DMBX1: variants seen among roughly 807,000 people sequenced by gnomAD.
DMBX1 encodes diencephalon/mesencephalon homeobox protein 1.
Under a neutral mutation model 30.4 loss-of-function variants are expected in DMBX1, and 7 were observed. The ratio of observed to expected loss-of-function variants is 0.23; its 90% CI spans 0.13 to 0.43. The LOEUF is 0.43. DMBX1 is among the 20% of genes least tolerant of loss of function. DMBX1 has a pLI of 1.00. For synonymous variants in DMBX1, 222 were observed against 214.2 expected, an observed-to-expected ratio of 1.04 and a Z score of -0.32; for missense variants, 460 against 508.5, an observed-to-expected ratio of 0.90 and a Z score of 0.92.
intron 3 of DMBX1, among the ~76,000 whole-genome samples, chr1:46,509,890 A>G (rs1180499984): frequency 6.6e-6 from 1 of 152,088 alleles, no homozygotes; most frequent in Non-Finnish European, 1.5e-5. Flanking sequence ...CCCTGCCATC[A>G]GAGACTCTAG....
chr1:46,489,981 G>A (rs1188395755), intron 1 of DMBX1, among the ~76,000 whole-genome samples, 104 bp downstream of exon 1: 1 of 152,164 alleles, frequency 6.6e-6, no homozygotes, highest in Non-Finnish European at 1.5e-5. Context: ...CCCCTCTTGC[G>A]GTCCTGCAGT....
intron 2 of DMBX1, among the ~76,000 whole-genome samples, chr1:46,499,571 A>AT (rs1420143149): frequency 6.6e-6 from 1 of 152,168 alleles, no homozygotes; most frequent in Non-Finnish European, 1.5e-5. Flanking sequence ...TGGGGATAAC[A>AT]TTTTCTACCT....
rs1009453575 is a variant in DMBX1 at position 46,512,841 on chromosome 1, G to A, written c.*347G>A. Reference sequence around the variant, plus strand: ...TCCTTCTGCCCCCTAGTAAGTCTACGTGTGGAATGTGAGATATAAATATAA... The same window carrying A: ...TCCTTCTGCCCCCTAGTAAGTCTACATGTGGAATGTGAGATATAAATATAA... On this transcript the variant is annotated 3_prime_UTR_variant, in exon 6 of 6. Transcript: ENST00000360032. This position sits in a 1 kb window ranked among gnomAD's most constrained non-coding sequence, Gnocchi z 4.8. 38 of 275,526 alleles carry A rather than the reference G, an allele frequency of 1.4e-4. No homozygotes were observed. Among genetic ancestry groups the A allele is most frequent in the African/African-American group, 7.6e-4 (35 of 46,120 alleles). 17.1% of individuals were successfully genotyped at this position (275,526 alleles called of 1,614,324 possible).
Position 46,515,635 on chromosome 1 carries a change from C to T in DMBX1, c.*3141C>T, listed in dbSNP as rs968845114. ...AGCTGGAGAGCAAGAGGAGAGGACA[C>T]CTGTGTCTCCTCCAAGCACACTGGT... On this transcript the variant is annotated 3_prime_UTR_variant, in exon 6 of 6. Coordinates refer to ENST00000360032, the MANE Select transcript of DMBX1 (RefSeq NM_172225.2). Among the ~76,000 whole-genome samples the T allele has an allele frequency of 6.6e-6, 1 of 152,252 alleles. No individual in the cohort carries two copies. Among genetic ancestry groups the T allele is most frequent in the Non-Finnish European group, 1.5e-5 (1 of 68,034 alleles).
intron 3 of DMBX1, among the ~76,000 whole-genome samples, chr1:46,507,417 A>G (rs1666262325): frequency 6.6e-6 from 1 of 152,218 alleles, no homozygotes. Flanking sequence ...CAAGCCTGTG[A>G]GGGAGGCATT....
Position 46,512,353 on chromosome 1 carries a change from G to T in DMBX1, c.993G>T (p.Gly331=), listed in dbSNP as rs1205746582. ...AAAAAHQGVW[G]SPLLPAPPAG... ...CTGCTGCCCACCAGGGTGTGTGGGG[G>T]TCTCCTCTGCTGCCTGCACCCCCAG... The change falls in exon 6 of 6, where the codon GGG becomes GGT. Residue 331 remains glycine (G), a synonymous_variant. Coordinates refer to ENST00000360032, the MANE Select transcript of DMBX1 (RefSeq NM_172225.2). This position sits in a 1 kb window ranked among gnomAD's most constrained non-coding sequence, Gnocchi z 4.8. 2 of 1,613,890 alleles carry T rather than the reference G, an allele frequency of 1.2e-6. No homozygotes were observed. Among genetic ancestry groups the T allele is most frequent in the Non-Finnish European group, 8.5e-7 (1 of 1,180,008 alleles).
chr1:46,492,905 G>A (rs1225881873), intron 2 of DMBX1, among the ~76,000 whole-genome samples: 1 of 152,140 alleles, frequency 6.6e-6, no homozygotes, highest in Admixed American at 6.5e-5. Context: ...ACAGTCCCAA[G>A]TGTCACAGCC....
chr1:46,494,487 T>C (rs756210161), intron 2 of DMBX1, among the ~76,000 whole-genome samples: 1 of 151,952 alleles, frequency 6.6e-6, no homozygotes. Flanking sequence ...GACCAAGGGA[T>C]AATTGGATGT....
In DMBX1 at chr1:46,511,060, A is replaced by G. The variant is rs1666357932; in HGVS notation, c.459A>G (p.Pro153=). 2 of 1,613,998 alleles carry G rather than the reference A, an allele frequency of 1.2e-6. No homozygotes were observed. The highest frequency in any genetic ancestry group is 1.7e-6 in the Non-Finnish European group (2 of 1,180,006). Residue 153 remains proline, a synonymous_variant, in exon 5 of 6, where the codon CCA becomes CCG. Coordinates refer to ENST00000360032, the MANE Select transcript of DMBX1 (RefSeq NM_172225.2). ...HGEGKAEAPT[P]DTQLDTEQPP... is the part of the protein sequence containing the mutation. ...AAGGCAAGGCCGAGGCCCCCACTCC[A>G]GATACCCAGCTGGACACTGAGCAGC...
At chr1:46,504,465 A>C (rs1230848340) in intron 2 of DMBX1, among the ~76,000 whole-genome samples, 2 of 150,912 alleles carry the variant, frequency 1.3e-5, no homozygotes, top group African/African-American at 4.9e-5. Context: ...CATTTATTAA[A>C]TAGGGAATCC....
intron 2 of DMBX1, among the ~76,000 whole-genome samples, chr1:46,500,301 CA>C (rs1326467094): frequency 2.0e-4 from 30 of 151,958 alleles, no homozygotes; most frequent in Admixed American, 1.9e-3. Flanking sequence ...CATTGTGCAT[CA>C]AAAACTGTGA....
chr1:46,501,272 C>CTTTCTTTCTTTCTTTCTTTCTT lies in DMBX1; in HGVS notation c.-12-5725_-12-5724insTCTTTCTTTCTTTCTTTCTTTT. Among the ~76,000 whole-genome samples, 2 of 83,960 alleles carry CTTTCTTTCTTTCTTTCTTTCTT rather than the reference C, an allele frequency of 2.4e-5. 1 individual carries two copies. Among genetic ancestry groups the CTTTCTTTCTTTCTTTCTTTCTT allele is most frequent in the East Asian group, 6.5e-4 (2 of 3,090 alleles). The allele number at this position is 83,960 out of a possible 152,430, so 55.1% of individuals were successfully genotyped here. On this transcript the variant is annotated intron_variant, in intron 2 of 5. Coordinates refer to ENST00000360032, the MANE Select transcript of DMBX1 (RefSeq NM_172225.2). The stretch of plus-strand genomic sequence containing the variant: ...TTTCTTTCTTTCTTTCTTTCTTTCT[C>CTTTCTTTCTTTCTTTCTTTCTT]TTCTTTCTTTCTTTCCTTCTCTCTT...
intron 2 of DMBX1, among the ~76,000 whole-genome samples, chr1:46,500,179 G>A (rs116061679): frequency 2.6e-3 from 396 of 152,182 alleles, no homozygotes; most frequent in African/African-American, 9.0e-3. Context: ...GCTGGGGAGG[G>A]GGAGGGCATC....
chr1:46,501,238 C>T (rs1316991046), intron 2 of DMBX1, among the ~76,000 whole-genome samples: 13 of 126,392 alleles, frequency 1.0e-4, no homozygotes, highest in African/African-American at 4.2e-4. Flanking sequence ...TTCTTTCTTT[C>T]TTTCTTTCTT....
At chr1:46,492,951 G>A (rs1305411709) in intron 2 of DMBX1, among the ~76,000 whole-genome samples, 2 of 152,082 alleles carry the variant, frequency 1.3e-5, no homozygotes, top group Non-Finnish European at 1.5e-5. Context: ...GCCCTAGGGA[G>A]GGTGCGTCTA....
Position 46,512,279 on chromosome 1 carries a change from C to G in DMBX1, c.919C>G (p.Leu307Val). 1 of 1,613,582 alleles carries G rather than the reference C, an allele frequency of 6.2e-7. No individual in the cohort carries two copies. Among genetic ancestry groups the G allele is most frequent in the South Asian group, 1.1e-5 (1 of 91,084 alleles). ...VPYLGVNMAP[L>V]GSLHCQSYYQ... ...CTACCTGGGCGTCAACATGGCCCCG[C>G]TGGGCTCACTGCACTGCCAGTCCTA... Residue 307 changes from leucine to valine, a missense_variant, in exon 6 of 6, where the codon CTG becomes GTG. Leu to Val is a conservative substitution (Grantham distance 32). Coordinates refer to ENST00000360032, the MANE Select transcript of DMBX1 (RefSeq NM_172225.2). This position sits in a 1 kb window ranked among gnomAD's most constrained non-coding sequence, Gnocchi z 4.8.
intron 2 of DMBX1, among the ~76,000 whole-genome samples, chr1:46,505,855 GC>G (rs1000010390): frequency 1.3e-5 from 2 of 151,472 alleles, no homozygotes; most frequent in Non-Finnish European, 2.9e-5. Flanking sequence ...TGGCTGTGTG[GC>G]CTCAACTTGT....
In DMBX1 at chr1:46,510,440, C is replaced by T; in HGVS notation, c.155-36C>T. The T allele has an allele frequency of 6.2e-7, 1 of 1,603,858 alleles. No individual in the cohort carries two copies. Among genetic ancestry groups the T allele is most frequent in the Non-Finnish European group, 8.5e-7 (1 of 1,175,504 alleles). On this transcript the variant is annotated intron_variant, in intron 3 of 5. Transcript: ENST00000360032. This position sits in a 1 kb window ranked among gnomAD's most constrained non-coding sequence, Gnocchi z 4.1. ...GCTATTTCCCATAATTAAATGGGCCCCCTCTCCTTGCCCTCCAACGGCTGT... is the reference window on the plus strand; with the variant it reads ...GCTATTTCCCATAATTAAATGGGCCTCCTCTCCTTGCCCTCCAACGGCTGT...
At chr1:46,498,748 C>T (rs1259217743) in intron 2 of DMBX1, among the ~76,000 whole-genome samples, 2 of 152,184 alleles carry the variant, frequency 1.3e-5, no homozygotes, top group Non-Finnish European at 2.9e-5. Context: ...GGGTTGTGTA[C>T]ACACATGGCC....
Sources: gnomAD v4.1 joint callset for allele counts (sites outside exome capture counted in the v4.1 genomes callset) on GRCh38, gnomAD v4.1.1 for gene constraint, Gnocchi (gnomAD v3.1) non-coding constraint, MANE v1.5 for transcripts, NCBI Gene and HGNC (gene_info 2026-07-23, HGNC 2026-07-21) for gene names.